Variants in PRH1 observed in about 807,000 individuals in gnomAD.
PRH1 encodes salivary acidic proline-rich phosphoprotein 1/2.
Under a neutral mutation model 7.9 loss-of-function variants are expected in PRH1, and 7 were observed. The observed-to-expected ratio is 0.89, with a 90% CI of 0.50 to 1.67. The LOEUF is 1.67. Among genes scored for constraint, PRH1 ranks in the 40% most tolerant of loss-of-function variants. The pLI, the probability that PRH1 is intolerant of heterozygous loss-of-function variation, is 0.00. For missense variants in PRH1, 109 were observed against 223.6 expected, an observed-to-expected ratio of 0.49 and a Z score of 3.27; for synonymous variants, 45 against 80.8, an observed-to-expected ratio of 0.56 and a Z score of 2.38.
intron 2 of PRH1, among the ~76,000 whole-genome samples, chr12:10,955,620 C>T (rs1029663437): frequency 6.6e-6 from 1 of 151,344 alleles, no homozygotes; most frequent in African/African-American, 2.4e-5. Context: ...AAAAAACATA[C>T]AAAAGGTCAG....
At chr12:11,069,668 T>C (rs1271571086) in intron 1 of PRH1, among the ~76,000 whole-genome samples, 21 of 152,328 alleles carry the variant, frequency 1.4e-4, no homozygotes, top group South Asian at 2.1e-4. Flanking sequence ...AGTAGCTTCA[T>C]TGGAATGAGT....
At chr12:11,083,971 CTGG>C (rs1320946119) in intron 1 of PRH1, among the ~76,000 whole-genome samples, 2,691 of 105,022 alleles carry the variant, frequency 0.026, 121 homozygotes, top group Middle Eastern at 0.045. Flanking sequence ...ACTCAACCTT[CTGG>C]CCAACAGTTG....
At chr12:11,106,101 C>A (rs1445701219) in intron 1 of PRH1, among the ~76,000 whole-genome samples, 1 of 102,920 alleles carries the variant, frequency 9.7e-6, no homozygotes, top group South Asian at 2.7e-4. Context: ...CCACCACGCC[C>A]GGCTAATTTT....
intron 1 of PRH1, among the ~76,000 whole-genome samples, chr12:11,019,465 C>A (rs1454704626): frequency 6.6e-6 from 1 of 152,268 alleles, no homozygotes; most frequent in Non-Finnish European, 1.5e-5. Context: ...ACACCAAAAG[C>A]TAAGATATAC....
chr12:11,087,454 G>C (rs1022125698), intron 1 of PRH1, among the ~76,000 whole-genome samples: 2 of 116,212 alleles, frequency 1.7e-5, no homozygotes, highest in African/African-American at 5.8e-5. Context: ...TCCATCCCAA[G>C]GTGGAGCTAA....
chr12:10,951,436 T>C (rs1937662844), intron 2 of PRH1, among the ~76,000 whole-genome samples: 1 of 152,172 alleles, frequency 6.6e-6, no homozygotes, highest in Non-Finnish European at 1.5e-5. Flanking sequence ...ATTTTTCCTA[T>C]CAAAAGCATT....
intron 1 of PRH1, chr12:11,021,636 G>T (rs772299672): frequency 6.4e-7 from 1 of 1,565,754 alleles, no homozygotes; most frequent in Admixed American, 1.8e-5. Flanking sequence ...TGCTCCCCTT[G>T]TGAATCTATG....
At chr12:11,051,832 A>G (rs1403888897), upstream of PRH1, among the ~76,000 whole-genome samples, 5 of 151,906 alleles carry the variant, frequency 3.3e-5, no homozygotes, top group African/African-American at 1.2e-4. Flanking sequence ...ATTTCTTTTC[A>G]CTTCTCTATG....
Position 10,884,037 on chromosome 12 carries a change from A to G in PRH1, c.64+117T>C, listed in dbSNP as rs1949451464. On this transcript the variant is annotated intron_variant, in intron 1 of 3. Coordinates refer to ENST00000543626, the MANE Select transcript of PRH1 (RefSeq NM_001393989.1). ...TAGATCTTCTGATCCTCAGCATGAG[A>G]ACTCTGCAGTCCCATCTGTTTTCTC... 5 of 1,204,958 alleles carry G rather than the reference A, an allele frequency of 4.1e-6. No homozygotes were observed. The Admixed American group carries it at 1.0e-4, about 25-fold the overall frequency. 74.6% of individuals were successfully genotyped at this position (1,204,958 alleles called of 1,614,324 possible).
chr12:10,961,142 C>T (rs972742328), intron 2 of PRH1, among the ~76,000 whole-genome samples: 1 of 152,190 alleles, frequency 6.6e-6, no homozygotes, highest in Non-Finnish European at 1.5e-5. Flanking sequence ...GTGGGCATTA[C>T]AGGACTCTGT....
intron 2 of PRH1, among the ~76,000 whole-genome samples, chr12:10,892,585 C>G (rs1270604483): frequency 6.6e-6 from 1 of 151,838 alleles, no homozygotes; most frequent in African/African-American, 2.4e-5. Context: ...TATCACTTAG[C>G]AAAATTGCTA....
chr12:10,911,157 T>C (rs2135828929), intron 2 of PRH1, among the ~76,000 whole-genome samples: 1 of 152,354 alleles, frequency 6.6e-6, no homozygotes, highest in South Asian at 2.1e-4. Flanking sequence ...TTTTAGGGTG[T>C]TCTTCCTACC....
intron 1 of PRH1, among the ~76,000 whole-genome samples, chr12:11,148,689 C>G (rs1482501792): frequency 8.7e-6 from 1 of 114,970 alleles, no homozygotes; most frequent in Non-Finnish European, 2.1e-5. Flanking sequence ...TTCGGTTTGC[C>G]AGTATTTTAT....
At chr12:11,031,836 G>A (rs1324197414) in intron 1 of PRH1, among the ~76,000 whole-genome samples, 2 of 152,168 alleles carry the variant, frequency 1.3e-5, no homozygotes, top group Non-Finnish European at 2.9e-5. Context: ...GTCCCCACTC[G>A]ATTCAGAAAG....
intron 1 of PRH1, among the ~76,000 whole-genome samples, chr12:11,070,320 T>C (rs1254622518): frequency 6.6e-6 from 1 of 152,158 alleles, no homozygotes; most frequent in African/African-American, 2.4e-5. Flanking sequence ...CAGGCAAGCA[T>C]GTGTACAACT....
chr12:10,992,466 C>G (rs1474603523), intron 1 of PRH1, among the ~76,000 whole-genome samples: 1 of 152,102 alleles, frequency 6.6e-6, no homozygotes, highest in Non-Finnish European at 1.5e-5. Context: ...GCAGCCCAGG[C>G]TGGAGTGAAA....
chr12:10,986,309 G>T (rs1939622749), intron 1 of PRH1: 1 of 1,613,908 alleles, frequency 6.2e-7, no homozygotes, highest in African/African-American at 1.3e-5. Context: ...AGGGTATGAA[G>T]CTCCATAGGG....
At chr12:10,882,072 A>G (rs1949409533) in intron 3 of PRH1, 145 bp downstream of exon 3, 2 of 1,465,646 alleles carry the variant, frequency 1.4e-6, no homozygotes, top group African/African-American at 2.8e-5. Flanking sequence ...TTGATACTCT[A>G]TACAAGAATA....
intron 1 of PRH1, among the ~76,000 whole-genome samples, chr12:11,148,199 G>A (rs999707458): frequency 2.0e-5 from 3 of 146,794 alleles, no homozygotes; most frequent in African/African-American, 7.5e-5. Context: ...TGAGACAATG[G>A]GATTTTCTAG....
Sources: allele counts gnomAD v4.1 joint callset (sites outside exome capture counted in the v4.1 genomes callset), GRCh38; gene constraint gnomAD v4.1.1; transcripts MANE v1.5; gene names NCBI Gene and HGNC (gene_info 2026-07-23, HGNC 2026-07-21).